The following LINGO2 variants were observed in gnomAD, a reference collection of about 807,000 sequenced individuals.
The protein encoded by LINGO2 is leucine rich repeat and Ig domain containing 2.
A neutral mutation model predicts 30.6 loss-of-function variants in LINGO2; 14 were observed. The ratio of observed to expected loss-of-function variants is 0.46; its 90% CI spans 0.30 to 0.72. LINGO2 has a LOEUF of 0.72. Among genes scored for constraint, LINGO2 ranks in the 30% least tolerant of loss-of-function variants. The pLI, the probability that LINGO2 is intolerant of heterozygous loss-of-function variation, is 0.07. For synonymous variants in LINGO2, 317 were observed against 288.5 expected (o/e 1.10, Z -1.00); for missense variants, 729 against 751.7 (o/e 0.97, Z 0.35).
At chr9:29,141,351 A>T in the LINGO2 span, among the ~76,000 whole-genome samples, 9 of 151,972 alleles carry the variant, frequency 5.9e-5, no homozygotes, top group African/African-American at 1.7e-4. Flanking sequence ...AGCTTAAAAG[A>T]GTTATAACTA....
At chr9:28,491,533 G>T (rs62557819) in intron 1 of LINGO2, among the ~76,000 whole-genome samples, 1 of 152,092 alleles carries the variant, frequency 6.6e-6, no homozygotes, top group South Asian at 2.1e-4. Context: ...CCACATGTTC[G>T]GAGTAAGTAT....
intron 4 of LINGO2, among the ~76,000 whole-genome samples, chr9:28,166,779 A>C (rs1159027102): frequency 6.6e-6 from 1 of 151,890 alleles, no homozygotes; most frequent in Non-Finnish European, 1.5e-5. Flanking sequence ...ATTTCTCGGC[A>C]AAAAACAAAA....
chr9:28,869,096 C>T, the LINGO2 span, among the ~76,000 whole-genome samples: 1 of 152,032 alleles, frequency 6.6e-6, no homozygotes, highest in East Asian at 1.9e-4. Flanking sequence ...AGTTAGAACA[C>T]TGAATTCAAA....
intron 4 of LINGO2, among the ~76,000 whole-genome samples, chr9:28,132,711 T>C (rs1420844419): frequency 6.6e-6 from 1 of 152,260 alleles, no homozygotes; most frequent in Admixed American, 6.5e-5. Context: ...GGTTTTCATA[T>C]GTTGATTCAA....
At chr9:28,574,932 T>C (rs62559696) in intron 1 of LINGO2, among the ~76,000 whole-genome samples, 4,853 of 152,256 alleles carry the variant, frequency 0.032, 94 homozygotes, top group African/African-American at 0.05. Flanking sequence ...CTATTCACAA[T>C]AGCAAAGTCA....
intron 4 of LINGO2, among the ~76,000 whole-genome samples, chr9:28,091,709 T>C (rs1322792460): frequency 6.6e-6 from 1 of 152,218 alleles, no homozygotes; most frequent in African/African-American, 2.4e-5. Flanking sequence ...TGGGATTTAA[T>C]TAAACTAAAG....
chr9:28,320,292 C>G (rs1406217857), intron 3 of LINGO2, among the ~76,000 whole-genome samples: 1 of 152,094 alleles, frequency 6.6e-6, no homozygotes, highest in African/African-American at 2.4e-5. Flanking sequence ...TCTCTAAGCT[C>G]CAGTCCACTA....
chr9:28,666,438 A>G (rs768410375), intron 1 of LINGO2, among the ~76,000 whole-genome samples: 3 of 152,184 alleles, frequency 2.0e-5, no homozygotes, highest in Admixed American at 6.5e-5. Context: ...CTAGAACCCT[A>G]TATCACTAGA....
At chr9:28,994,424 G>A in the LINGO2 span, among the ~76,000 whole-genome samples, 66 of 147,154 alleles carry the variant, frequency 4.5e-4, no homozygotes, top group South Asian at 2.0e-3. Context: ...AATCAATATC[G>A]TGAAAATGGC....
the LINGO2 span, among the ~76,000 whole-genome samples, chr9:29,065,285 C>G: frequency 6.6e-6 from 1 of 152,014 alleles, no homozygotes; most frequent in Non-Finnish European, 1.5e-5. Flanking sequence ...TTAGGTCCCA[C>G]TTGTCAATTT....
At chr9:28,733,389 T>G in the LINGO2 span, among the ~76,000 whole-genome samples, 1 of 152,244 alleles carries the variant, frequency 6.6e-6, no homozygotes, top group South Asian at 2.1e-4. Context: ...AAGGAAGGTT[T>G]TATCATATAC....
At chr9:28,081,751 G>A (rs1825779976) in intron 4 of LINGO2, among the ~76,000 whole-genome samples, 1 of 152,170 alleles carries the variant, frequency 6.6e-6, no homozygotes, top group Non-Finnish European at 1.5e-5. Flanking sequence ...TAGAGGTGCT[G>A]TAAAGATTAA....
chr9:28,575,560 G>A (rs1478630051), intron 1 of LINGO2, among the ~76,000 whole-genome samples: 1 of 151,888 alleles, frequency 6.6e-6, no homozygotes, highest in African/African-American at 2.4e-5. Flanking sequence ...GAGGAGGTGG[G>A]GGCAAGGGTT....
rs117499187 is a variant in LINGO2, at chr9:28,047,476, T to A, written c.-86-35071A>T. Among the ~76,000 whole-genome samples the A allele has an allele frequency of 1.3e-4, 19 of 148,554 alleles. 2 individuals are homozygous for A. The East Asian group carries it at 3.9e-3, about 30-fold the overall frequency. On this transcript the variant is annotated intron_variant, in intron 4 of 5. Coordinates refer to ENST00000379992, the Ensembl canonical transcript of LINGO2. ...AGTAACTTTTTATTCAACATTTTCA[T>A]AGTTCTTAATTCCAGTTTAATAAAT...
the LINGO2 span, among the ~76,000 whole-genome samples, chr9:28,851,525 C>T: frequency 1.3e-5 from 2 of 152,010 alleles, no homozygotes; most frequent in South Asian, 2.1e-4. Context: ...TTTCTCTTTG[C>T]CATGTAAAGT....
chr9:28,132,111 C>T (rs1827394171), intron 4 of LINGO2, among the ~76,000 whole-genome samples: 1 of 152,120 alleles, frequency 6.6e-6, no homozygotes, highest in South Asian at 2.1e-4. Flanking sequence ...ATATGCAGCC[C>T]AGTTTTAGTA....
rs187804491 is a variant in LINGO2 at position 28,489,689 on chromosome 9, G to T, written c.-364-13664C>A. ...CGAGGCAGGCAGATTATGAGGTCAG[G>T]AGATCGAGACCATCCTGGCCAACAT... On this transcript the variant is annotated intron_variant, in intron 1 of 5. Coordinates refer to ENST00000379992, the Ensembl canonical transcript of LINGO2. 1.5e-3 allele frequency among the ~76,000 whole-genome samples: 234 copies of T among 151,930 alleles called. 1 individual carries two copies. The highest frequency in any genetic ancestry group is 2.9e-3 in the Non-Finnish European group (200 of 67,944).
chr9:28,141,527 T>C (rs552390238), intron 4 of LINGO2, among the ~76,000 whole-genome samples: 2 of 152,354 alleles, frequency 1.3e-5, no homozygotes, highest in African/African-American at 4.8e-5. Flanking sequence ...CATCTTGTAT[T>C]GATTTTTATT....
rs574172776 is a variant in LINGO2 at position 28,338,790 on chromosome 9, C to T, written c.-246+34046G>A. On this transcript the variant is annotated intron_variant, in intron 3 of 5. Transcript: ENST00000379992. ...CCCCTTCCACCATGATTGTAAGTTT[C>T]CTGAGGCCTCCTCAGCCACCCTGAA... Among the ~76,000 whole-genome samples, 53 of 152,250 alleles carry T rather than the reference C, an allele frequency of 3.5e-4. No individual in the cohort carries two copies. The Middle Eastern group carries it at 0.01, about 29-fold the overall frequency.
Sources: gnomAD v4.1 joint callset for allele counts (sites outside exome capture counted in the v4.1 genomes callset) on GRCh38, gnomAD v4.1.1 for gene constraint, MANE v1.5 for transcripts, NCBI Gene and HGNC (gene_info 2026-07-23, HGNC 2026-07-21) for gene names.